The following PLPP1 variants were observed in gnomAD, a reference collection of about 807,000 sequenced individuals.
PLPP1 encodes phospholipid phosphatase 1.
PLPP1 carries 24 observed loss-of-function variants against 31.2 expected under a neutral mutation model. The observed-to-expected ratio is 0.77, with a 90% CI of 0.56 to 1.08. The LOEUF (loss-of-function observed/expected upper bound fraction) is 1.08, where lower values mean the gene tolerates loss of function less well. PLPP1 is among the 50% of genes least tolerant of loss of function. The pLI is 0.00. For missense variants in PLPP1, 319 were observed against 342.7 expected, an observed-to-expected ratio of 0.93 and a Z score of 0.55; for synonymous variants, 146 against 126.3, an observed-to-expected ratio of 1.16 and a Z score of -1.05.
intron 1 of PLPP1, among the ~76,000 whole-genome samples, chr5:55,521,163 G>A (rs545834853): frequency 3.8e-4 from 58 of 152,084 alleles, no homozygotes; most frequent in African/African-American, 1.3e-3. Context: ...GACCAGTCTG[G>A]CCAACATGGT....
intron 1 of PLPP1, among the ~76,000 whole-genome samples, chr5:55,479,839 TGTA>T (rs1358476907): frequency 2.2e-4 from 34 of 152,350 alleles, no homozygotes; most frequent in African/African-American, 8.2e-4. Flanking sequence ...TTTGAGAGCA[TGTA>T]GGTTATTTTT....
intron 3 of PLPP1, among the ~76,000 whole-genome samples, chr5:55,464,981 A>G (rs1752254840): frequency 6.6e-6 from 1 of 151,944 alleles, no homozygotes; most frequent in South Asian, 2.1e-4. Context: ...TTCGACTAGT[A>G]TCTATTCTAT....
In PLPP1 at chr5:55,434,826, C is replaced by T. The variant is rs191959155; in HGVS notation, c.549+7025G>A. Reference sequence around the variant, plus strand: ...CTAATCAAAGAAAACATAGGGGAAACGCTTCAGGATATTGGTCTGGGCAAA... The same window carrying T: ...CTAATCAAAGAAAACATAGGGGAAATGCTTCAGGATATTGGTCTGGGCAAA... On this transcript the variant is annotated intron_variant, in intron 4 of 5. Coordinates refer to ENST00000307259, the MANE Select transcript of PLPP1 (RefSeq NM_003711.4). Among the ~76,000 whole-genome samples the T allele has an allele frequency of 4.3e-4, 66 of 152,230 alleles. No individual in the cohort carries two copies. In the East Asian group the frequency reaches 9.1e-3, roughly 21 times the overall value.
chr5:55,457,397 A>G (rs1224886920), intron 3 of PLPP1, among the ~76,000 whole-genome samples: 3 of 152,192 alleles, frequency 2.0e-5, no homozygotes, highest in Non-Finnish European at 2.9e-5. Context: ...GCCAATTTAT[A>G]TACACCAGGA....
chr5:55,466,961 A>G (rs1752310984), intron 3 of PLPP1, among the ~76,000 whole-genome samples: 3 of 152,208 alleles, frequency 2.0e-5, no homozygotes, highest in Non-Finnish European at 2.9e-5. Flanking sequence ...TAGTGGCTTT[A>G]CTTAGTGTTC....
At chr5:55,489,656 A>G (rs1752846622) in intron 1 of PLPP1, among the ~76,000 whole-genome samples, 3 of 152,194 alleles carry the variant, frequency 2.0e-5, no homozygotes, top group South Asian at 4.1e-4. Context: ...CCAGACAAAA[A>G]GGCAAAATGA....
intron 2 of PLPP1, among the ~76,000 whole-genome samples, chr5:55,473,960 C>T (rs1447408718): frequency 2.0e-5 from 3 of 149,886 alleles, no homozygotes; most frequent in South Asian, 4.2e-4. Context: ...TGAGCCACCA[C>T]ATCCACCATA....
At chr5:55,466,726 A>C (rs1255111126) in intron 3 of PLPP1, among the ~76,000 whole-genome samples, 1 of 149,806 alleles carries the variant, frequency 6.7e-6, no homozygotes, top group Admixed American at 6.7e-5. Flanking sequence ...AAAGGAAAAG[A>C]AAAAAAAAAT....
At chr5:55,443,192 A>ATATATATATATATATAT (rs1554037280) in intron 3 of PLPP1, among the ~76,000 whole-genome samples, 4 of 25,434 alleles carry the variant, frequency 1.6e-4, no homozygotes, top group South Asian at 2.5e-3. Flanking sequence ...AAAAAAAAAA[A>ATATATATATATATATAT]ATATATATAT....
At chr5:55,501,809 C>G (rs1028110743) in intron 1 of PLPP1, among the ~76,000 whole-genome samples, 6 of 152,170 alleles carry the variant, frequency 3.9e-5, no homozygotes, top group Admixed American at 1.3e-4. Context: ...CCGCCACTAA[C>G]TTTTTAAATT....
At chr5:55,523,541 G>C (rs1320011810) in intron 1 of PLPP1, among the ~76,000 whole-genome samples, 1 of 152,132 alleles carries the variant, frequency 6.6e-6, no homozygotes, top group African/African-American at 2.4e-5. Context: ...ACAGAATGCA[G>C]ATGACCAAGC....
Position 55,467,879 on chromosome 5 carries a change from T to G in PLPP1, c.481A>C (p.Lys161Gln). Residue 161 changes from lysine (K) to glutamine (Q), a missense_variant, in exon 3 of 6, where the codon AAG (lysine) becomes CAG (glutamine). Physicochemically the swap from Lys to Gln is moderately conservative, Grantham distance 53. Transcript: ENST00000307259. ...CGATTTAACACTCACCTGCCTTCCT[T>G]AACTCTTTCTGCATTCCCTCGACAT... ...YICRGNAERV[K>Q]EGRLSFYSGH... The G allele has an allele frequency of 6.2e-7, 1 of 1,611,718 alleles. No individual in the cohort carries two copies. The highest frequency in any genetic ancestry group is 8.5e-7 in the Non-Finnish European group (1 of 1,178,616).
At chr5:55,483,906 T>C (rs538585571) in intron 1 of PLPP1, among the ~76,000 whole-genome samples, 110 of 152,262 alleles carry the variant, frequency 7.2e-4, no homozygotes, top group African/African-American at 2.4e-3. Context: ...GTTTTTTGCA[T>C]ATTAAGATAT....
chr5:55,496,802 T>C (rs1431280257), intron 1 of PLPP1, among the ~76,000 whole-genome samples: 1 of 152,174 alleles, frequency 6.6e-6, no homozygotes, highest in African/African-American at 2.4e-5. Context: ...GTTCCCATAT[T>C]CTCCTCAATT....
chr5:55,468,234 G>A, intron 2 of PLPP1, 85 bp from the exon 3 acceptor site: 1 of 1,216,316 alleles, frequency 8.2e-7, no homozygotes, highest in Non-Finnish European at 1.1e-6. Context: ...AAAAGGAAAT[G>A]GTAAATCGCA....
At chr5:55,433,015 AAG>A (rs1751397112) in intron 4 of PLPP1, among the ~76,000 whole-genome samples, 1 of 151,982 alleles carries the variant, frequency 6.6e-6, no homozygotes, top group Admixed American at 6.6e-5. Context: ...AGGCAAGAGA[AAG>A]AAATAAACGG....
At chr5:55,471,402 G>A (rs556845757) in intron 2 of PLPP1, among the ~76,000 whole-genome samples, 7 of 152,096 alleles carry the variant, frequency 4.6e-5, no homozygotes, top group Admixed American at 2.6e-4. Flanking sequence ...GAGTTTCACC[G>A]TCTTGACCAG....
intron 4 of PLPP1, among the ~76,000 whole-genome samples, chr5:55,428,465 G>A (rs371509190): frequency 3.3e-5 from 5 of 152,192 alleles, no homozygotes; most frequent in Admixed American, 6.5e-5. Context: ...CCAGAAATCC[G>A]GACTGGCTTT....
At chr5:55,512,059 G>A (rs1753426615) in intron 1 of PLPP1, among the ~76,000 whole-genome samples, 1 of 151,428 alleles carries the variant, frequency 6.6e-6, no homozygotes, top group Non-Finnish European at 1.5e-5. Context: ...AATCTGGGAG[G>A]CGAAGGTTGC....
Sources: gnomAD v4.1 joint callset for allele counts (sites outside exome capture counted in the v4.1 genomes callset) on GRCh38, gnomAD v4.1.1 for gene constraint, MANE v1.5 for transcripts, NCBI Gene and HGNC (gene_info 2026-07-23, HGNC 2026-07-21) for gene names.